The following EYA2 variants were observed in gnomAD, a reference collection of about 807,000 sequenced individuals.
The protein encoded by EYA2 is protein phosphatase EYA2.
Under a neutral mutation model 69.2 loss-of-function variants are expected in EYA2, and 31 were observed. That is an observed-to-expected ratio of 0.45 (90% CI 0.34 to 0.60). The LOEUF is 0.60. Among genes scored for constraint, EYA2 ranks in the 20% least tolerant of loss-of-function variants. EYA2 has a pLI of 0.02. For missense variants in EYA2, 622 were observed against 701.2 expected, an observed-to-expected ratio of 0.89 and a Z score of 1.28; for synonymous variants, 257 against 279.4, an observed-to-expected ratio of 0.92 and a Z score of 0.80.
intron 7 of EYA2, among the ~76,000 whole-genome samples, chr20:47,077,740 T>G (rs1346811009): frequency 6.6e-6 from 1 of 152,254 alleles, no homozygotes; most frequent in African/African-American, 2.4e-5. Context: ...ATTTTGGTCA[T>G]TGTGATCTCA....
In EYA2 at chr20:47,188,505, T is replaced by A. The variant is rs1223155102; in HGVS notation, c.*372T>A. On this transcript the variant is annotated 3_prime_UTR_variant, in exon 16 of 16. Transcript: ENST00000327619. ...ATGGACTAGTCTCATTACTCCGGAA[T>A]TATGCTCTTGTACCTGTGTGGCTGG... is the stretch of plus-strand genomic sequence containing the variant. 2.0e-6 allele frequency: 1 copy of A among 501,964 alleles called. No homozygotes were observed. The highest frequency in any genetic ancestry group is 3.5e-6 in the Non-Finnish European group (1 of 285,888). The allele number at this position is 501,964 out of a possible 1,614,324, so 31.1% of individuals were successfully genotyped here.
chr20:47,017,367 G>A lies in EYA2; in HGVS notation c.415+1070G>A, dbSNP rs1250153307. Among the ~76,000 whole-genome samples, 3 of 152,232 alleles carry A rather than the reference G, an allele frequency of 2.0e-5. No homozygotes were observed. In the East Asian group the frequency reaches 5.8e-4, roughly 29 times the overall value. The stretch of plus-strand genomic sequence containing the variant: ...GCTATGTTGCCCAGACTGGGCTCAA[G>A]TGATTCTGCCACCTCAGCCTCCTGA... On this transcript the variant is annotated intron_variant, in intron 5 of 15. Coordinates refer to ENST00000327619, the MANE Select transcript of EYA2 (RefSeq NM_005244.5).
intron 1 of EYA2, among the ~76,000 whole-genome samples, chr20:46,921,052 T>C (rs1985156122): frequency 6.6e-6 from 1 of 152,260 alleles, no homozygotes; most frequent in Non-Finnish European, 1.5e-5. Context: ...CTGCGGTCTC[T>C]TCTTCCAGGC....
chr20:47,166,994 A>G (rs1600763037), intron 10 of EYA2: 2 of 154,684 alleles, frequency 1.3e-5, no homozygotes, highest in Non-Finnish European at 2.9e-5. Flanking sequence ...CATGAAGTGC[A>G]CTCATGATAT....
chr20:47,055,631 T>A (rs1034232684), intron 5 of EYA2, among the ~76,000 whole-genome samples: 1 of 152,172 alleles, frequency 6.6e-6, no homozygotes, highest in African/African-American at 2.4e-5. Flanking sequence ...TTCTTTCAGA[T>A]CCTTACCCCT....
chr20:47,171,239 C>T (rs2034315390), intron 11 of EYA2, among the ~76,000 whole-genome samples: 2 of 152,336 alleles, frequency 1.3e-5, no homozygotes, highest in Middle Eastern at 6.8e-3. Flanking sequence ...CTGTCTCATG[C>T]TGAGCTGTTT....
chr20:47,180,064 A>C (rs1021642708), intron 13 of EYA2, 152 bp downstream of exon 13: 18 of 606,926 alleles, frequency 3.0e-5, no homozygotes, highest in Non-Finnish European at 4.9e-5. Flanking sequence ...ATGGAGTCTC[A>C]CTCTGTCGCC....
chr20:46,916,875 C>T (rs573967271), intron 1 of EYA2, among the ~76,000 whole-genome samples: 1 of 152,206 alleles, frequency 6.6e-6, no homozygotes, highest in Admixed American at 6.5e-5. Context: ...GAGCTTTGGA[C>T]CCTTCCTTAT....
At chr20:47,171,138 TC>T (rs1215002756) in intron 11 of EYA2, among the ~76,000 whole-genome samples, 2 of 152,164 alleles carry the variant, frequency 1.3e-5, no homozygotes, top group African/African-American at 4.8e-5. Flanking sequence ...GAAGCACTCT[TC>T]CTTTCAAGGC....
intron 1 of EYA2, among the ~76,000 whole-genome samples, chr20:46,973,372 G>A (rs574596079): frequency 2.6e-5 from 4 of 152,294 alleles, no homozygotes; most frequent in South Asian, 2.1e-4. Flanking sequence ...AAATGTAGGC[G>A]ATACAATAAG....
Position 46,894,957 on chromosome 20 carries a change from C to T in EYA2, c.-41C>T. ...GCACCGGCCCGCCCGCCCGCCCGCA[C>T]CGCGTCGGGGCGCCCTCTCCACTGC... On this transcript the variant is annotated 5_prime_UTR_variant, in exon 1 of 16. Transcript: ENST00000327619. 1 of 151,710 alleles carries T rather than the reference C, an allele frequency of 6.6e-6. No individual in the cohort carries two copies. Among genetic ancestry groups the T allele is most frequent in the Non-Finnish European group, 1.5e-5 (1 of 67,898 alleles). The allele number at this position is 151,710 out of a possible 1,614,324, so 9.4% of individuals were successfully genotyped here.
chr20:46,931,011 C>T (rs1427574881), intron 1 of EYA2, among the ~76,000 whole-genome samples: 1 of 152,098 alleles, frequency 6.6e-6, no homozygotes, highest in East Asian at 1.9e-4. Flanking sequence ...GTGTGATAAC[C>T]GAAAACGTCT....
chr20:47,058,729 A>G lies in EYA2; in HGVS notation c.416-13456A>G, dbSNP rs12624318. Among the ~76,000 whole-genome samples the G allele has an allele frequency of 6.6e-3, 1,001 of 152,266 alleles. 38 individuals are homozygous for G. The East Asian group carries it at 0.11, about 17-fold the overall frequency. On this transcript the variant is annotated intron_variant, in intron 5 of 15. Coordinates refer to ENST00000327619, the MANE Select transcript of EYA2 (RefSeq NM_005244.5). Reference sequence around the variant, plus strand: ...GTGGTGCACACCTGTAGTCCCTGCTACTTGGGAGGCTGTGGGAGGAGAATC... The same window carrying G: ...GTGGTGCACACCTGTAGTCCCTGCTGCTTGGGAGGCTGTGGGAGGAGAATC...
intron 2 of EYA2, among the ~76,000 whole-genome samples, chr20:46,993,629 ATCC>A (rs1349144577): frequency 5.3e-5 from 8 of 152,232 alleles, no homozygotes; most frequent in African/African-American, 1.9e-4. Flanking sequence ...AGAAAACCCT[ATCC>A]TCATGGAGCC....
intron 2 of EYA2, among the ~76,000 whole-genome samples, chr20:46,991,596 A>G (rs1470776701): frequency 6.6e-6 from 1 of 152,238 alleles, no homozygotes; most frequent in Non-Finnish European, 1.5e-5. Context: ...TGTTTGGTTT[A>G]CACTATGTTT....
intron 9 of EYA2, among the ~76,000 whole-genome samples, chr20:47,103,668 C>T (rs113025217): frequency 9.2e-5 from 14 of 152,142 alleles, no homozygotes; most frequent in African/African-American, 2.6e-4. Flanking sequence ...ACAACCCACC[C>T]ACCCACCACA....
intron 15 of EYA2, among the ~76,000 whole-genome samples, chr20:47,186,816 A>G (rs1239590715): frequency 6.6e-6 from 1 of 152,144 alleles, no homozygotes; most frequent in East Asian, 1.9e-4. Context: ...CATTCTTCCT[A>G]AGGTAGTCTT....
chr20:47,155,448 G>A (rs1261357624), intron 10 of EYA2, among the ~76,000 whole-genome samples: 5 of 151,892 alleles, frequency 3.3e-5, no homozygotes, highest in Admixed American at 1.3e-4. Context: ...TCCTGCATGC[G>A]ACTGTGTGCC....
At chr20:47,067,792 C>T (rs183230879) in intron 5 of EYA2, among the ~76,000 whole-genome samples, 5 of 152,128 alleles carry the variant, frequency 3.3e-5, no homozygotes, top group Admixed American at 2.0e-4. Flanking sequence ...TTCCTGTACC[C>T]ATTCTTTCTG....
Sources: gnomAD v4.1 joint callset for allele counts (sites outside exome capture counted in the v4.1 genomes callset) on GRCh38, gnomAD v4.1.1 for gene constraint, MANE v1.5 for transcripts, NCBI Gene and HGNC (gene_info 2026-07-23, HGNC 2026-07-21) for gene names.